TENM3: variants seen among roughly 807,000 people sequenced by gnomAD.
The protein encoded by TENM3 is teneurin-3.
A neutral mutation model predicts 255.1 loss-of-function variants in TENM3; 63 were observed. That is an observed-to-expected ratio of 0.25 (90% confidence interval 0.20 to 0.30). TENM3 has a LOEUF of 0.30. Among genes scored for constraint, TENM3 ranks in the 10% least tolerant of loss-of-function variants. TENM3 has a pLI of 1.00. For synonymous variants in TENM3, 1,306 were observed against 1,322.3 expected (o/e 0.99, Z 0.27); for missense variants, 2,929 against 3,461.1 (o/e 0.85, Z 3.86).
chr4:181,645,966 A>T, the TENM3 span, among the ~76,000 whole-genome samples: 1 of 152,204 alleles, frequency 6.6e-6, no homozygotes, highest in African/African-American at 2.4e-5. Context: ...TGCCCACATG[A>T]TCTTTCACAG....
chr4:182,579,594 A>G (rs557225077), intron 3 of TENM3, among the ~76,000 whole-genome samples: 3 of 152,320 alleles, frequency 2.0e-5, no homozygotes, highest in South Asian at 4.1e-4. Flanking sequence ...TGGACAGTGC[A>G]CATAGGGAAG....
chr4:181,998,451 C>T, the TENM3 span, among the ~76,000 whole-genome samples: 1 of 152,202 alleles, frequency 6.6e-6, no homozygotes, highest in African/African-American at 2.4e-5. Flanking sequence ...AAGAGAAAGA[C>T]ATTGTTTCCC....
chr4:181,523,378 G>A, the TENM3 span, among the ~76,000 whole-genome samples: 320 of 151,352 alleles, frequency 2.1e-3, 2 homozygotes, highest in African/African-American at 7.1e-3. Flanking sequence ...TCTATTTCAT[G>A]CAAACTTTTT....
the TENM3 span, among the ~76,000 whole-genome samples, chr4:181,734,863 T>C: frequency 6.6e-6 from 1 of 152,126 alleles, no homozygotes; most frequent in Admixed American, 6.5e-5. Context: ...GTCAAAGAAA[T>C]GGCTTGATAG....
chr4:181,762,340 A>G, the TENM3 span, among the ~76,000 whole-genome samples: 1 of 152,292 alleles, frequency 6.6e-6, no homozygotes, highest in East Asian at 1.9e-4. Context: ...ATCAGTGACG[A>G]AAAACATCTG....
At chr4:181,743,079 T>A in the TENM3 span, among the ~76,000 whole-genome samples, 11 of 151,916 alleles carry the variant, frequency 7.2e-5, no homozygotes, top group Non-Finnish European at 8.8e-5. Context: ...TCTATCATTG[T>A]TGGACATTTG....
intron 3 of TENM3, among the ~76,000 whole-genome samples, chr4:182,503,363 G>A (rs1214521252): frequency 6.6e-6 from 1 of 152,136 alleles, no homozygotes; most frequent in Non-Finnish European, 1.5e-5. Context: ...GCTTCAGTGG[G>A]TTCAGTTGGC....
chr4:181,448,976 G>A, the TENM3 span, among the ~76,000 whole-genome samples: 2 of 152,018 alleles, frequency 1.3e-5, no homozygotes, highest in Non-Finnish European at 2.9e-5. Flanking sequence ...ACTATTTTAA[G>A]GTCTCTGACT....
the TENM3 span, among the ~76,000 whole-genome samples, chr4:182,013,219 A>C: frequency 6.6e-6 from 1 of 152,152 alleles, no homozygotes; most frequent in East Asian, 1.9e-4. Flanking sequence ...ACTGAAATGA[A>C]GTTTTGGAGT....
chr4:182,313,462 A>C (rs1762568426), intron 1 of TENM3, among the ~76,000 whole-genome samples: 1 of 152,060 alleles, frequency 6.6e-6, no homozygotes, highest in Non-Finnish European at 1.5e-5. Flanking sequence ...TTCATAATAT[A>C]TTAAGTAAAA....
chr4:181,682,168 G>T, the TENM3 span, among the ~76,000 whole-genome samples: 23 of 152,146 alleles, frequency 1.5e-4, no homozygotes, highest in Admixed American at 1.0e-3. Flanking sequence ...AACAAAAAGA[G>T]AATTCAATAA....
chr4:182,169,251 G>A (rs1213913029), intron 1 of TENM3: 1 of 473,764 alleles, frequency 2.1e-6, no homozygotes, highest in Admixed American at 2.3e-5. Context: ...TGTTCCTTTA[G>A]ATAGCTTAAC....
At chr4:181,605,546 GAAAGAA>G in the TENM3 span, among the ~76,000 whole-genome samples, 1 of 27,286 alleles carries the variant, frequency 3.7e-5, no homozygotes, top group African/African-American at 8.5e-5. Flanking sequence ...AAGAAAGAAA[GAAAGAA>G]AGAAAGAAAG....
chr4:182,305,035 A>G (rs1035991411), intron 1 of TENM3, among the ~76,000 whole-genome samples: 11 of 151,400 alleles, frequency 7.3e-5, no homozygotes, highest in Middle Eastern at 3.5e-3. Flanking sequence ...ACACAGGTGG[A>G]TGGTAAGGTC....
At chr4:181,766,542 A>G in the TENM3 span, among the ~76,000 whole-genome samples, 2 of 152,266 alleles carry the variant, frequency 1.3e-5, no homozygotes, top group African/African-American at 4.8e-5. Flanking sequence ...AGCAGAGTGG[A>G]GGTGGCAGGC....
chr4:182,516,473 G>A (rs1388195996), intron 3 of TENM3, among the ~76,000 whole-genome samples: 1 of 152,142 alleles, frequency 6.6e-6, no homozygotes, highest in African/African-American at 2.4e-5. Flanking sequence ...GCCTTTATTA[G>A]TTCCCTACCT....
intron 3 of TENM3, among the ~76,000 whole-genome samples, chr4:182,547,191 G>A (rs1227851776): frequency 6.6e-6 from 1 of 152,048 alleles, no homozygotes; most frequent in African/African-American, 2.4e-5. Context: ...TTACAAACAC[G>A]TCTCCCAACT....
At chr4:182,442,316 T>G (rs1169418048) in intron 3 of TENM3, among the ~76,000 whole-genome samples, 1 of 152,224 alleles carries the variant, frequency 6.6e-6, no homozygotes, top group Non-Finnish European at 1.5e-5. Flanking sequence ...CAAAAATATC[T>G]TAGTACATAT....
At chr4:181,911,481 G>T in the TENM3 span, among the ~76,000 whole-genome samples, 1 of 152,180 alleles carries the variant, frequency 6.6e-6, no homozygotes, top group Non-Finnish European at 1.5e-5. Flanking sequence ...TCGTGTTGAT[G>T]AAAATGATGA....
Sources: gnomAD v4.1 joint callset for allele counts (sites outside exome capture counted in the v4.1 genomes callset) on GRCh38, gnomAD v4.1.1 for gene constraint, MANE v1.5 for transcripts, NCBI Gene and HGNC (gene_info 2026-07-23, HGNC 2026-07-21) for gene names.